Variants in RANBP17 observed in about 807,000 individuals in gnomAD.
RANBP17 encodes RAN binding protein 17.
A neutral mutation model predicts 141.2 loss-of-function variants in RANBP17; 158 were observed. The ratio of observed to expected loss-of-function variants is 1.12; its 90% CI spans 0.98 to 1.28. RANBP17 has a LOEUF of 1.28. Among genes scored for constraint, RANBP17 ranks in the 50% most tolerant of loss-of-function variants. The pLI is 0.00. For missense variants in RANBP17, 1,438 were observed against 1,290.7 expected (o/e 1.11, Z -1.75); for synonymous variants, 430 against 450.0 (o/e 0.96, Z 0.56).
chr5:171,260,649 C>G (rs891637319), intron 24 of RANBP17, among the ~76,000 whole-genome samples: 1 of 151,842 alleles, frequency 6.6e-6, no homozygotes, highest in Non-Finnish European at 1.5e-5. Flanking sequence ...GACAGAAACC[C>G]TAAGTATCAT....
intron 16 of RANBP17, among the ~76,000 whole-genome samples, chr5:171,181,660 A>G (rs1760869162): frequency 6.6e-6 from 1 of 152,242 alleles, no homozygotes; most frequent in South Asian, 2.1e-4. Flanking sequence ...TTGCTTTGGA[A>G]TCAGAGGAAC....
At chr5:170,911,829 T>G (rs1227169983) in intron 7 of RANBP17, among the ~76,000 whole-genome samples, 2 of 151,888 alleles carry the variant, frequency 1.3e-5, no homozygotes, top group Non-Finnish European at 2.9e-5. Context: ...AGCTAATTTG[T>G]TCTCCCATGT....
intron 14 of RANBP17, among the ~76,000 whole-genome samples, chr5:171,054,629 T>C (rs570957239): frequency 2.0e-5 from 3 of 152,276 alleles, no homozygotes; most frequent in Admixed American, 2.0e-4. Flanking sequence ...CAGCAAGGAC[T>C]TTGTGACCTG....
At chr5:171,142,952 AT>A (rs1561698130) in intron 14 of RANBP17, among the ~76,000 whole-genome samples, 1 of 152,354 alleles carries the variant, frequency 6.6e-6, no homozygotes, top group East Asian at 1.9e-4. Context: ...GGCATAAGTA[AT>A]AAAGACCTGG....
At chr5:170,921,859 G>T (rs1772493793) in intron 11 of RANBP17, among the ~76,000 whole-genome samples, 1 of 152,136 alleles carries the variant, frequency 6.6e-6, no homozygotes, top group Admixed American at 6.5e-5. Context: ...GTCCAGTTTT[G>T]TTCCCTTGCT....
chr5:171,188,558 G>A (rs2127934435), intron 18 of RANBP17, among the ~76,000 whole-genome samples: 1 of 152,262 alleles, frequency 6.6e-6, no homozygotes, highest in African/African-American at 2.4e-5. Context: ...TATTTCCCAG[G>A]CCTTAAAAAT....
intron 12 of RANBP17, among the ~76,000 whole-genome samples, chr5:170,926,972 G>A (rs551401020): frequency 2.6e-5 from 4 of 151,998 alleles, no homozygotes; most frequent in Admixed American, 6.6e-5. Flanking sequence ...AGATACATAC[G>A]TAATATTTTA....
chr5:170,933,014 G>A (rs1773529750), intron 12 of RANBP17, among the ~76,000 whole-genome samples: 1 of 152,176 alleles, frequency 6.6e-6, no homozygotes, highest in Non-Finnish European at 1.5e-5. Context: ...ACCTCTGGTA[G>A]AATTCGGCTG....
At chr5:171,249,224 A>G (rs1189079695) in intron 24 of RANBP17, among the ~76,000 whole-genome samples, 2 of 152,206 alleles carry the variant, frequency 1.3e-5, no homozygotes, top group African/African-American at 2.4e-5. Context: ...TACATCCACA[A>G]TCAAAGCCAA....
At chr5:170,908,326 T>A (rs1771238529) in intron 5 of RANBP17, among the ~76,000 whole-genome samples, 1 of 151,928 alleles carries the variant, frequency 6.6e-6, no homozygotes, top group Non-Finnish European at 1.5e-5. Flanking sequence ...CAGAATATTA[T>A]GCAGCTATAA....
intron 12 of RANBP17, among the ~76,000 whole-genome samples, chr5:170,935,652 G>C (rs1773805231): frequency 1.3e-5 from 2 of 152,110 alleles, no homozygotes; most frequent in Non-Finnish European, 2.9e-5. Context: ...CCTTCCTCTG[G>C]AAGCTTAGTC....
intron 14 of RANBP17, among the ~76,000 whole-genome samples, chr5:171,152,313 G>A (rs1459637618): frequency 2.6e-5 from 4 of 151,548 alleles, no homozygotes; most frequent in Non-Finnish European, 5.9e-5. Flanking sequence ...CCAGCTACTC[G>A]GGAGGCTGAG....
In RANBP17 at chr5:171,085,297, G is replaced by C. The variant is rs1312359863; in HGVS notation, c.1711-84833G>C. Among the ~76,000 whole-genome samples, 471 of 140,010 alleles carry C rather than the reference G, an allele frequency of 3.4e-3. 2 individuals carry two copies. The highest frequency in any genetic ancestry group is 4.5e-3 in the Non-Finnish European group (288 of 64,452). The allele number at this position is 140,010 out of a possible 152,430, so 91.9% of individuals were successfully genotyped here. On this transcript the variant is annotated intron_variant, in intron 14 of 27. Transcript: ENST00000523189. ...TAGATATGCAGCGTTATTTCTGAGG[G>C]CTCTGTTCTGTTCCATTGATCTATA...
intron 14 of RANBP17, among the ~76,000 whole-genome samples, chr5:171,093,156 G>C (rs988693242): frequency 6.6e-6 from 1 of 151,148 alleles, no homozygotes; most frequent in Admixed American, 6.6e-5. Flanking sequence ...GTTCCAGTGA[G>C]CCAGGATCAC....
chr5:171,229,903 T>C (rs1197291365), intron 22 of RANBP17, among the ~76,000 whole-genome samples: 1 of 151,062 alleles, frequency 6.6e-6, no homozygotes, highest in Non-Finnish European at 1.5e-5. Context: ...CCATCTCTAC[T>C]AAAAATACAA....
At chr5:171,093,215 C>CAAAAAA (rs5873253) in intron 14 of RANBP17, among the ~76,000 whole-genome samples, 5 of 150,138 alleles carry the variant, frequency 3.3e-5, no homozygotes, top group Admixed American at 2.0e-4. Context: ...AGTCTCCCCC[C>CAAAAAA]AAAAAAAAAA....
At chr5:171,194,712 G>C (rs1761861156) in intron 18 of RANBP17, among the ~76,000 whole-genome samples, 1 of 152,102 alleles carries the variant, frequency 6.6e-6, no homozygotes, top group African/African-American at 2.4e-5. Flanking sequence ...CAGTTTTCTT[G>C]GGTAGATACC....
chr5:171,095,607 T>A (rs1356562962), intron 14 of RANBP17, among the ~76,000 whole-genome samples: 2 of 152,150 alleles, frequency 1.3e-5, no homozygotes, highest in African/African-American at 4.8e-5. Context: ...AGTAGTCCAG[T>A]GAGCTTTGGA....
chr5:170,866,509 A>G (rs1378554861), intron 1 of RANBP17, among the ~76,000 whole-genome samples: 1 of 152,100 alleles, frequency 6.6e-6, no homozygotes, highest in Non-Finnish European at 1.5e-5. Context: ...CCCCATGTCT[A>G]CTAAAAATAC....
Sources: gnomAD v4.1 joint callset for allele counts (sites outside exome capture counted in the v4.1 genomes callset) on GRCh38, gnomAD v4.1.1 for gene constraint, MANE v1.5 for transcripts, NCBI Gene and HGNC (gene_info 2026-07-23, HGNC 2026-07-21) for gene names.